EDIL3: variants seen among roughly 807,000 people sequenced by gnomAD.
EDIL3 encodes EGF-like repeat and discoidin I-like domain-containing protein 3.
A neutral mutation model predicts 67.4 loss-of-function variants in EDIL3; 37 were observed. The observed-to-expected ratio is 0.55, with a 90% CI of 0.42 to 0.72. EDIL3 has a LOEUF of 0.72. EDIL3 is among the 30% of genes least tolerant of loss of function. The probability of loss-of-function intolerance (pLI) is 0.00; values close to 1 mark genes in which losing one functional copy is unlikely to be tolerated. For missense variants in EDIL3, 527 were observed against 586.3 expected (o/e 0.90, Z 1.04); for synonymous variants, 195 against 196.3 (o/e 0.99, Z 0.05).
At chr5:84,130,558 T>A (rs928648995) in intron 5 of EDIL3, among the ~76,000 whole-genome samples, 3 of 152,190 alleles carry the variant, frequency 2.0e-5, no homozygotes, top group African/African-American at 2.4e-5. Flanking sequence ...TTTAAAAAAA[T>A]TATTTACTTC....
chr5:84,294,107 G>A (rs1164120449), intron 1 of EDIL3, among the ~76,000 whole-genome samples: 3 of 151,194 alleles, frequency 2.0e-5, no homozygotes, highest in Non-Finnish European at 2.9e-5. Context: ...TCATCGGCCG[G>A]GTGCGGTGGC....
chr5:84,176,205 ATATATATATATATATATATATAATATATT>A (rs1364708219), intron 4 of EDIL3, among the ~76,000 whole-genome samples: 1 of 20,348 alleles, frequency 4.9e-5, no homozygotes, highest in African/African-American at 1.7e-4. Flanking sequence ...TATAATATAT[ATATATATATATATATATATATAATATATT>A]GTATGTATAA....
At chr5:84,019,091 C>A (rs1312866926) in intron 9 of EDIL3, among the ~76,000 whole-genome samples, 2 of 152,172 alleles carry the variant, frequency 1.3e-5, no homozygotes, top group Non-Finnish European at 2.9e-5. Context: ...AAGACACATG[C>A]ACACATATGT....
At chr5:84,329,037 G>T (rs1279401241) in intron 1 of EDIL3, among the ~76,000 whole-genome samples, 1 of 151,992 alleles carries the variant, frequency 6.6e-6, no homozygotes, top group East Asian at 1.9e-4. Context: ...CATATTAAAT[G>T]ATTTTAGGCA....
chr5:84,366,282 G>C (rs1225029816), intron 1 of EDIL3, among the ~76,000 whole-genome samples: 2 of 151,926 alleles, frequency 1.3e-5, no homozygotes, highest in Non-Finnish European at 2.9e-5. Context: ...TCATCATCAT[G>C]ATCATCATCA....
At chr5:84,050,115 G>A (rs1373273314) in intron 9 of EDIL3, among the ~76,000 whole-genome samples, 2 of 148,510 alleles carry the variant, frequency 1.3e-5, no homozygotes, top group African/African-American at 4.9e-5. Context: ...GGAGAATGGT[G>A]TGAACCCGGG....
At chr5:83,982,855 C>A (rs1282625161) in intron 9 of EDIL3, among the ~76,000 whole-genome samples, 1 of 152,098 alleles carries the variant, frequency 6.6e-6, no homozygotes, top group Non-Finnish European at 1.5e-5. Context: ...CTATCTGATG[C>A]ATGTTTGGCC....
chr5:84,316,820 C>G (rs190027819), intron 1 of EDIL3, among the ~76,000 whole-genome samples: 7 of 152,258 alleles, frequency 4.6e-5, no homozygotes, highest in Non-Finnish European at 8.8e-5. Context: ...CTTCTCAGCA[C>G]CACATCACAC....
At chr5:84,083,105 T>A (rs116334077) in intron 6 of EDIL3, among the ~76,000 whole-genome samples, 1 of 152,336 alleles carries the variant, frequency 6.6e-6, no homozygotes, top group Non-Finnish European at 1.5e-5. Context: ...GGCATGTGGG[T>A]ACTACGTTTA....
chr5:84,091,862 T>A lies in EDIL3; in HGVS notation c.651+14787A>T, dbSNP rs555653017. Among the ~76,000 whole-genome samples, 15 of 152,346 alleles carry A rather than the reference T, an allele frequency of 9.8e-5. 1 individual carries two copies. Among genetic ancestry groups the A allele is most frequent in the Admixed American group, 7.2e-4 (11 of 15,298 alleles). On this transcript the variant is annotated intron_variant, in intron 6 of 10. Transcript: ENST00000296591. Reference sequence around the variant, plus strand: ...TTACATTAGAGGCAATATGAGAATCTAATTCATAAATAGCATTTCCCATAG... The same window carrying A: ...TTACATTAGAGGCAATATGAGAATCAAATTCATAAATAGCATTTCCCATAG...
chr5:84,162,081 T>C (rs1748622426), intron 4 of EDIL3, among the ~76,000 whole-genome samples: 1 of 152,042 alleles, frequency 6.6e-6, no homozygotes, highest in Admixed American at 6.6e-5. Context: ...GTGTGCCCAC[T>C]AGTGACACAG....
intron 1 of EDIL3, among the ~76,000 whole-genome samples, chr5:84,312,247 C>A (rs375269652): frequency 1.4e-5 from 2 of 138,090 alleles, no homozygotes; most frequent in Non-Finnish European, 3.2e-5. Context: ...CTGACCCCCC[C>A]ACCTCCCTCC....
intron 9 of EDIL3, among the ~76,000 whole-genome samples, chr5:84,021,360 A>G (rs1745710363): frequency 1.3e-5 from 2 of 152,024 alleles, no homozygotes; most frequent in South Asian, 4.1e-4. Context: ...ATTTACTGAT[A>G]TATACTTCCT....
At chr5:84,296,921 G>T (rs1021361144) in intron 1 of EDIL3, among the ~76,000 whole-genome samples, 11 of 152,072 alleles carry the variant, frequency 7.2e-5, no homozygotes, top group African/African-American at 2.7e-4. Context: ...GCTGGCTCAC[G>T]CCTGCAATCC....
At chr5:84,075,518 C>T (rs1010072323) in intron 6 of EDIL3, among the ~76,000 whole-genome samples, 1 of 151,924 alleles carries the variant, frequency 6.6e-6, no homozygotes, top group Admixed American at 6.6e-5. Context: ...CTCTGTCACC[C>T]AGGCAGGAGT....
intron 1 of EDIL3, among the ~76,000 whole-genome samples, chr5:84,382,664 G>A (rs1015587938): frequency 1.3e-5 from 2 of 152,118 alleles, no homozygotes; most frequent in Admixed American, 1.3e-4. Context: ...AATCCAGACG[G>A]GAAATGAGAG....
chr5:84,163,029 A>G (rs913794803), intron 4 of EDIL3, among the ~76,000 whole-genome samples: 2 of 152,150 alleles, frequency 1.3e-5, no homozygotes, highest in African/African-American at 4.8e-5. Context: ...AAAAGTAAAT[A>G]TTTAGGGAAA....
At chr5:83,981,148 T>G (rs573807129) in intron 9 of EDIL3, among the ~76,000 whole-genome samples, 1 of 152,120 alleles carries the variant, frequency 6.6e-6, no homozygotes, top group South Asian at 2.1e-4. Context: ...ATCCTGAAAT[T>G]CATATGGAAA....
At chr5:84,182,521 A>T (rs575965670) in intron 3 of EDIL3, among the ~76,000 whole-genome samples, 1 of 152,064 alleles carries the variant, frequency 6.6e-6, no homozygotes. Context: ...AATCACCAGC[A>T]TCACTTCAAG....
Sources: allele counts gnomAD v4.1 joint callset (sites outside exome capture counted in the v4.1 genomes callset), GRCh38; gene constraint gnomAD v4.1.1; transcripts MANE v1.5; gene names NCBI Gene and HGNC (gene_info 2026-07-23, HGNC 2026-07-21).